Variants in TEC observed in about 807,000 individuals in gnomAD.
The protein encoded by TEC is tec protein tyrosine kinase.
Under a neutral mutation model 93.0 loss-of-function variants are expected in TEC, and 72 were observed. The observed-to-expected ratio is 0.77, with a 90% confidence interval of 0.64 to 0.94. The LOEUF is 0.94. TEC is among the 40% of genes least tolerant of loss of function. The pLI, the probability that TEC is intolerant of heterozygous loss-of-function variation, is 0.00. For missense variants in TEC, 630 were observed against 757.9 expected (o/e 0.83, Z 1.98); for synonymous variants, 249 against 247.7 (o/e 1.01, Z -0.05).
intron 2 of TEC, among the ~76,000 whole-genome samples, chr4:48,228,057 G>A (rs1176080301): frequency 3.3e-5 from 5 of 152,072 alleles, no homozygotes; most frequent in Non-Finnish European, 5.9e-5. Context: ...GGTCAACTTC[G>A]ATAACGTGTT....
At chr4:48,247,836 G>T (rs1190603090) in intron 1 of TEC, among the ~76,000 whole-genome samples, 1 of 152,122 alleles carries the variant, frequency 6.6e-6, no homozygotes, top group South Asian at 2.1e-4. Context: ...TCTGTAAAAC[G>T]ATTTAAATGG....
chr4:48,180,330 A>G (rs1021650343), intron 2 of TEC, among the ~76,000 whole-genome samples: 1 of 152,158 alleles, frequency 6.6e-6, no homozygotes, highest in Admixed American at 6.5e-5. Flanking sequence ...TGGGACACCA[A>G]CCCAACTGGG....
chr4:48,256,147 A>G (rs1442868577), intron 1 of TEC, among the ~76,000 whole-genome samples: 5 of 152,108 alleles, frequency 3.3e-5, no homozygotes, highest in African/African-American at 1.2e-4. Context: ...GGAGAGGTTG[A>G]CTGAGGCTGC....
At chr4:48,229,544 T>TA (rs1157679527) in intron 1 of TEC, among the ~76,000 whole-genome samples, 2 of 152,208 alleles carry the variant, frequency 1.3e-5, no homozygotes, top group Non-Finnish European at 2.9e-5. Flanking sequence ...ATCCCAGCAC[T>TA]TTGGGCAGAT....
intron 17 of TEC, among the ~76,000 whole-genome samples, chr4:48,138,289 G>A (rs1054469837): frequency 3.9e-5 from 6 of 152,024 alleles, no homozygotes; most frequent in African/African-American, 9.7e-5. Context: ...CAAAGACCTC[G>A]GAAAGTTGAG....
At chr4:48,260,308 G>T (rs1392528323) in intron 1 of TEC, among the ~76,000 whole-genome samples, 1 of 152,200 alleles carries the variant, frequency 6.6e-6, no homozygotes, top group African/African-American at 2.4e-5. Context: ...AATCAGTCAG[G>T]TGTGGTGGCT....
intron 1 of TEC, among the ~76,000 whole-genome samples, chr4:48,244,486 C>T (rs1490727793): frequency 6.6e-6 from 1 of 152,308 alleles, no homozygotes; most frequent in Middle Eastern, 3.4e-3. Context: ...AGAACAGCAT[C>T]GGAAAGACCT....
At position 48,156,712 on chromosome 4, in the gene TEC, T is replaced by A; in HGVS notation, c.760A>T (p.Arg254Ter). ...QYEWYCRNMN[R>*]SKAEQLLRSE... ...CGGAGGAGTTGCTCTGCCTTGCTTC[T>A]ATTCATATTTCTGCAATACCATCTG... The change falls in exon 9 of 18, where the codon AGA (arginine) becomes TGA (stop). Residue 254 changes from arginine to a stop codon, truncating the protein, a stop_gained. Coordinates refer to ENST00000381501, the MANE Select transcript of TEC (RefSeq NM_003215.3). LOFTEE classifies it high-confidence loss of function. 6.2e-7 allele frequency: 1 copy of A among 1,612,180 alleles called. No individual in the cohort carries two copies. Among genetic ancestry groups the A allele is most frequent in the Non-Finnish European group, 8.5e-7 (1 of 1,179,434 alleles).
At chr4:48,198,456 G>T (rs997990392) in intron 2 of TEC, among the ~76,000 whole-genome samples, 1 of 152,350 alleles carries the variant, frequency 6.6e-6, no homozygotes, top group African/African-American at 2.4e-5. Context: ...TCAGGACAGG[G>T]TTGCTAGCCA....
intron 1 of TEC, among the ~76,000 whole-genome samples, chr4:48,258,317 T>C (rs558995047): frequency 6.6e-6 from 1 of 152,130 alleles, no homozygotes; most frequent in South Asian, 2.1e-4. Flanking sequence ...AATTTTTGTA[T>C]TTTTAGTAGA....
intron 2 of TEC, among the ~76,000 whole-genome samples, chr4:48,185,669 G>C (rs1721790969): frequency 6.6e-6 from 1 of 152,070 alleles, no homozygotes; most frequent in African/African-American, 2.4e-5. Flanking sequence ...ATATAAGCAT[G>C]GCATAATATA....
At chr4:48,215,236 G>A (rs145806040) in intron 2 of TEC, among the ~76,000 whole-genome samples, 12,195 of 152,318 alleles carry the variant, frequency 0.08, 680 homozygotes, top group East Asian at 0.31. Flanking sequence ...GCCGGGCGCA[G>A]TGGCTCACGC....
intron 2 of TEC, among the ~76,000 whole-genome samples, chr4:48,209,384 C>T (rs1160028506): frequency 6.6e-6 from 1 of 152,036 alleles, no homozygotes; most frequent in Non-Finnish European, 1.5e-5. Context: ...GGGAGGACTA[C>T]TTGAGCCCAG....
At chr4:48,233,755 T>G (rs775062623) in intron 1 of TEC, among the ~76,000 whole-genome samples, 5 of 138,266 alleles carry the variant, frequency 3.6e-5, no homozygotes, top group Non-Finnish European at 6.4e-5. Flanking sequence ...AAATCAAAAA[T>G]AAAATGACAG....
chr4:48,217,937 T>C (rs1723132699), intron 2 of TEC, among the ~76,000 whole-genome samples: 2 of 146,030 alleles, frequency 1.4e-5, no homozygotes, highest in Admixed American at 7.0e-5. Flanking sequence ...CTGTCTTAAA[T>C]AGATTTCAGC....
chr4:48,167,960 A>G lies in TEC; in HGVS notation c.496-7T>C. Reference sequence around the variant, plus strand: ...TTGGTGGGGGAGGCCTTCGCTAGACAAGGAAGATAACATTTGAAAGTTTAG... The same window carrying G: ...TTGGTGGGGGAGGCCTTCGCTAGACGAGGAAGATAACATTTGAAAGTTTAG... On this transcript the variant is annotated splice_polypyrimidine_tract_variant and splice_region_variant and intron_variant, in intron 6 of 17. Coordinates refer to ENST00000381501, the MANE Select transcript of TEC (RefSeq NM_003215.3). The G allele has an allele frequency of 6.2e-7, 1 of 1,613,298 alleles. No individual in the cohort carries two copies. Among genetic ancestry groups the G allele is most frequent in the South Asian group, 1.1e-5 (1 of 91,028 alleles).
chr4:48,242,979 C>T (rs1457365026), intron 1 of TEC, among the ~76,000 whole-genome samples: 8 of 152,014 alleles, frequency 5.3e-5, no homozygotes, highest in Non-Finnish European at 7.4e-5. Context: ...TGTCTTTAGC[C>T]CCCAAATGTA....
intron 2 of TEC, among the ~76,000 whole-genome samples, chr4:48,189,221 A>G (rs1358726533): frequency 6.6e-6 from 1 of 152,182 alleles, no homozygotes; most frequent in Non-Finnish European, 1.5e-5. Flanking sequence ...TTATCTCTTT[A>G]TTTTGAATTC....
At chr4:48,256,964 C>T (rs1443010956) in intron 1 of TEC, among the ~76,000 whole-genome samples, 2 of 152,080 alleles carry the variant, frequency 1.3e-5, no homozygotes, top group Non-Finnish European at 1.5e-5. Context: ...GAAGCCAGTG[C>T]GAATGGCGAA....
Sources: allele counts gnomAD v4.1 joint callset (sites outside exome capture counted in the v4.1 genomes callset), GRCh38; gene constraint gnomAD v4.1.1; transcripts MANE v1.5; gene names NCBI Gene and HGNC (gene_info 2026-07-23, HGNC 2026-07-21).